IQCH: variants seen among roughly 807,000 people sequenced by gnomAD.
IQCH encodes IQ domain-containing protein H.
A neutral mutation model predicts 117.0 loss-of-function variants in IQCH; 98 were observed. The ratio of observed to expected loss-of-function variants is 0.84; its 90% CI spans 0.71 to 0.99. The LOEUF (loss-of-function observed/expected upper bound fraction) is 0.99, where lower values mean the gene tolerates loss of function less well. IQCH is among the 50% of genes least tolerant of loss of function. IQCH has a pLI of 0.00. For missense variants in IQCH, 1,102 were observed against 1,243.8 expected, an observed-to-expected ratio of 0.89 and a Z score of 1.72; for synonymous variants, 412 against 448.2, an observed-to-expected ratio of 0.92 and a Z score of 1.02.
In IQCH at chr15:67,493,406, T is replaced by G. The variant is rs1340128610; in HGVS notation, c.2862-852T>G. On this transcript the variant is annotated intron_variant, in intron 19 of 20. Coordinates refer to ENST00000335894, the MANE Select transcript of IQCH (RefSeq NM_001031715.3). This position sits in a 1 kb window ranked among gnomAD's most constrained non-coding sequence, Gnocchi z 5.1. Reference sequence around the variant, plus strand: ...AGCCCTATAATGCTACAGGATAGTTTGCAAGCTATCTCCGAAATCTTAAAG... The same window carrying G: ...AGCCCTATAATGCTACAGGATAGTTGGCAAGCTATCTCCGAAATCTTAAAG... 6.6e-6 allele frequency among the ~76,000 whole-genome samples: 1 copy of G among 152,182 alleles called. No individual in the cohort carries two copies. Among genetic ancestry groups the G allele is most frequent in the Non-Finnish European group, 1.5e-5 (1 of 68,032 alleles).
At position 67,254,969 on chromosome 15, in the gene IQCH, G is replaced by A. The variant is rs755186692; in HGVS notation, c.51+22G>A. On this transcript the variant is annotated intron_variant, in intron 1 of 20. Coordinates refer to ENST00000335894, the MANE Select transcript of IQCH (RefSeq NM_001031715.3). ...CCAGGTGGGAAACGGGCTTCCCCCG[G>A]CCCTGCCCTGCCCAGCCGCGCCACT... is the stretch of plus-strand genomic sequence containing the variant. 4 of 1,605,816 alleles carry A rather than the reference G, an allele frequency of 2.5e-6. No homozygotes were observed. In the Admixed American group the frequency reaches 5.0e-5, roughly 20 times the overall value.
chr15:67,255,172 C>G lies in IQCH; in HGVS notation c.51+225C>G, dbSNP rs543018360. 2.2e-4 allele frequency: 128 copies of G among 594,340 alleles called. 1 individual carries two copies. The East Asian group carries it at 3.4e-3, about 16-fold the overall frequency. 36.8% of individuals were successfully genotyped at this position (594,340 alleles called of 1,614,324 possible). On this transcript the variant is annotated intron_variant, in intron 1 of 20. Transcript: ENST00000335894. ...ACGCCCCAGAAGCAGGACTTTCTGC[C>G]TCTGGGAAAACTCTAAAACCGTTCA...
In IQCH at chr15:67,475,097, T is replaced by C. The variant is rs1223451590; in HGVS notation, c.2677-599T>C. Among the ~76,000 whole-genome samples, 1 of 152,082 alleles carries C rather than the reference T, an allele frequency of 6.6e-6. No homozygotes were observed. The highest frequency in any genetic ancestry group is 1.5e-5 in the Non-Finnish European group (1 of 68,022). On this transcript the variant is annotated intron_variant, in intron 17 of 20. Transcript: ENST00000335894. This position sits in a 1 kb window ranked among gnomAD's most constrained non-coding sequence, Gnocchi z 5.7. The stretch of plus-strand genomic sequence containing the variant: ...AAGGAGATATGACAGCTAGTTACGG[T>C]GCAGTGTCTCAGATGGGGTCCTGAA...
intron 2 of IQCH, among the ~76,000 whole-genome samples, chr15:67,262,389 T>G (rs1302474478): frequency 4.6e-5 from 7 of 152,208 alleles, no homozygotes; most frequent in Non-Finnish European, 1.0e-4. Flanking sequence ...TGATTCAGAC[T>G]TTTAATCTAC....
chr15:67,284,995 A>T (rs1966506752), intron 4 of IQCH, among the ~76,000 whole-genome samples: 1 of 152,174 alleles, frequency 6.6e-6, no homozygotes, highest in Admixed American at 6.5e-5. Context: ...GCTGGGTCAA[A>T]TGCTATTTCT....
chr15:67,354,494 C>G (rs895070218), intron 6 of IQCH, among the ~76,000 whole-genome samples: 13 of 152,122 alleles, frequency 8.5e-5, no homozygotes, highest in African/African-American at 2.9e-4. Flanking sequence ...AAAAAATACT[C>G]TTAGTAGGGG....
rs1352632723 is a variant in IQCH, at chr15:67,373,358, G to A, written c.1306-9G>A. The A allele has an allele frequency of 6.2e-7, 1 of 1,605,100 alleles. No homozygotes were observed. The highest frequency in any genetic ancestry group is 8.5e-7 in the Non-Finnish European group (1 of 1,172,252). On this transcript the variant is annotated splice_polypyrimidine_tract_variant and intron_variant, in intron 9 of 20. Coordinates refer to ENST00000335894, the MANE Select transcript of IQCH (RefSeq NM_001031715.3). ...CCTGTCACTGATCAATGCTCTTCTTGATTTTTAGCATCTGGCAGCCAACTG... is the reference window on the plus strand; with the variant it reads ...CCTGTCACTGATCAATGCTCTTCTTAATTTTTAGCATCTGGCAGCCAACTG...
intron 4 of IQCH, among the ~76,000 whole-genome samples, chr15:67,314,766 T>A (rs1430405291): frequency 6.6e-6 from 1 of 152,226 alleles, no homozygotes; most frequent in Non-Finnish European, 1.5e-5. Context: ...TGGCTGGGTT[T>A]CCAAAAGAAG....
In IQCH at chr15:67,263,195, A is replaced by G; in HGVS notation, c.248A>G (p.Tyr83Cys). The G allele has an allele frequency of 6.4e-7, 1 of 1,565,286 alleles. No homozygotes were observed. Among genetic ancestry groups the G allele is most frequent in the Non-Finnish European group, 8.8e-7 (1 of 1,135,956 alleles). Residue 83 changes from tyrosine to cysteine, a missense_variant, in exon 3 of 21, where the codon TAT becomes TGT. This residue lies in a region of IQCH where 452 missense variants were observed against 449.6 expected (regional missense o/e 1.01). Coordinates refer to ENST00000335894, the MANE Select transcript of IQCH (RefSeq NM_001031715.3). Reference sequence around the variant, plus strand: ...ACTTCTGTTAATGATGAGAGCTTATATACTCCCCAGGCTTCCAAATGGTAA... The same window carrying G: ...ACTTCTGTTAATGATGAGAGCTTATGTACTCCCCAGGCTTCCAAATGGTAA... ...LTTSVNDESLYTPQASKWLLP... is the reference protein window; with the variant it reads ...LTTSVNDESLCTPQASKWLLP...
chr15:67,262,104 A>G (rs1368378292), intron 2 of IQCH, among the ~76,000 whole-genome samples: 1 of 151,928 alleles, frequency 6.6e-6, no homozygotes, highest in African/African-American at 2.4e-5. Flanking sequence ...AAAAAAGTAT[A>G]TAAAAAATAA....
Position 67,425,766 on chromosome 15 carries a change from T to C in IQCH, c.2505+4189T>C, listed in dbSNP as rs2081873701. ...TTTTCCACTACCACTACGATAGTGG[T>C]AATTTTGTATTTCTGTGGAAAATTT... On this transcript the variant is annotated intron_variant, in intron 16 of 20. Coordinates refer to ENST00000335894, the MANE Select transcript of IQCH (RefSeq NM_001031715.3). This position sits in a 1 kb window ranked among gnomAD's most constrained non-coding sequence, Gnocchi z 5.5. 6.6e-6 allele frequency among the ~76,000 whole-genome samples: 1 copy of C among 152,172 alleles called. No individual in the cohort carries two copies. The highest frequency in any genetic ancestry group is 6.5e-5 in the Admixed American group (1 of 15,276).
chr15:67,270,290 CT>C (rs1412847491), intron 3 of IQCH, among the ~76,000 whole-genome samples: 1 of 152,206 alleles, frequency 6.6e-6, no homozygotes, highest in Non-Finnish European at 1.5e-5. Context: ...GCATCCTTGT[CT>C]TATTCCAGAT....
Position 67,475,552 on chromosome 15 carries a change from A to T in IQCH, c.2677-144A>T, listed in dbSNP as rs984835769. On this transcript the variant is annotated intron_variant, in intron 17 of 20. Transcript: ENST00000335894. This position sits in a 1 kb window ranked among gnomAD's most constrained non-coding sequence, Gnocchi z 5.7. Reference sequence around the variant, plus strand: ...TGTGACAAATGTACCACAGCAATGTAAGATGTTAACAATAGGAGAACTGGG... The same window carrying T: ...TGTGACAAATGTACCACAGCAATGTTAGATGTTAACAATAGGAGAACTGGG... The T allele has an allele frequency of 4.7e-6, 3 of 631,760 alleles. No individual in the cohort carries two copies. Among genetic ancestry groups the T allele is most frequent in the Non-Finnish European group, 8.2e-6 (3 of 363,748 alleles). 39.1% of individuals were successfully genotyped at this position (631,760 alleles called of 1,614,324 possible).
At chr15:67,495,582 C>A (rs982585181) in intron 20 of IQCH, among the ~76,000 whole-genome samples, 9 of 152,316 alleles carry the variant, frequency 5.9e-5, no homozygotes, top group African/African-American at 2.2e-4. Flanking sequence ...AGCCTCTCTG[C>A]ATTTCATCCA....
At chr15:67,429,250 A>C (rs906550767) in intron 16 of IQCH, among the ~76,000 whole-genome samples, 1 of 152,220 alleles carries the variant, frequency 6.6e-6, no homozygotes, top group Non-Finnish European at 1.5e-5. Flanking sequence ...TCAGTGGCTC[A>C]TGTGTATAAA....
At position 67,391,531 on chromosome 15, in the gene IQCH, T is replaced by G. The variant is rs1443242196; in HGVS notation, c.1632+2525T>G. 6.6e-6 allele frequency among the ~76,000 whole-genome samples: 1 copy of G among 152,232 alleles called. No homozygotes were observed. The highest frequency in any genetic ancestry group is 1.5e-5 in the Non-Finnish European group (1 of 68,042). On this transcript the variant is annotated intron_variant, in intron 12 of 20. Transcript: ENST00000335894. The surrounding 1 kb of genome is among the most constrained non-coding windows in gnomAD (Gnocchi z 4.3). ...TTTATAAAAGTCATTATGTCTATTT[T>G]TAGACATTTCAGTGTTTATGAAGAC... is the stretch of plus-strand genomic sequence containing the variant.
intron 4 of IQCH, among the ~76,000 whole-genome samples, chr15:67,315,342 C>G (rs1309030114): frequency 6.6e-6 from 1 of 152,086 alleles, no homozygotes; most frequent in Non-Finnish European, 1.5e-5. Context: ...TCTGATGCAC[C>G]CATATGTGAA....
At chr15:67,477,044 C>CTT (rs71455553) in intron 18 of IQCH, among the ~76,000 whole-genome samples, 1,444 of 70,498 alleles carry the variant, frequency 0.02, 1 homozygote, top group Middle Eastern at 0.042. Context: ...TCTTTTTCTT[C>CTT]TTTTTTTTTT....
chr15:67,459,336 C>T lies in IQCH; in HGVS notation c.2506-5791C>T, dbSNP rs1017608174. 6.6e-6 allele frequency among the ~76,000 whole-genome samples: 1 copy of T among 152,164 alleles called. No individual in the cohort carries two copies. Among genetic ancestry groups the T allele is most frequent in the Non-Finnish European group, 1.5e-5 (1 of 68,034 alleles). On this transcript the variant is annotated intron_variant, in intron 16 of 20. Coordinates refer to ENST00000335894, the MANE Select transcript of IQCH (RefSeq NM_001031715.3). The surrounding 1 kb of genome is among the most constrained non-coding windows in gnomAD (Gnocchi z 4.2). The stretch of plus-strand genomic sequence containing the variant: ...AATTAGTCTCTGAGTCCCATACGTG[C>T]CCTGATGCCCATAGGAGAAGGGTGG...
Sources: gnomAD v4.1 joint callset for allele counts (sites outside exome capture counted in the v4.1 genomes callset) on GRCh38, gnomAD v4.1.1 for gene constraint, gnomAD v4.1.1 regional missense constraint, Gnocchi (gnomAD v3.1) non-coding constraint, MANE v1.5 for transcripts, NCBI Gene and HGNC (gene_info 2026-07-23, HGNC 2026-07-21) for gene names.